The following WWOX variants were observed in gnomAD, a reference collection of about 807,000 sequenced individuals.
The protein encoded by WWOX is WW domain-containing oxidoreductase.
Under a neutral mutation model 46.2 loss-of-function variants are expected in WWOX, and 69 were observed. That is an observed-to-expected ratio of 1.49 (90% CI 1.23 to 1.82). The LOEUF is 1.82. WWOX is among the 40% of genes most tolerant of loss of function. The pLI, the probability that WWOX is intolerant of heterozygous loss-of-function variation, is 0.00. For missense variants in WWOX, 919 were observed against 542.6 expected (o/e 1.69, Z -6.89); for synonymous variants, 359 against 202.6 (o/e 1.77, Z -6.56).
At chr16:79,114,513 C>T (rs1239185953) in intron 8 of WWOX, among the ~76,000 whole-genome samples, 1 of 151,716 alleles carries the variant, frequency 6.6e-6, no homozygotes, top group Non-Finnish European at 1.5e-5. Flanking sequence ...TGCCATAAGC[C>T]AGGGAACAGC....
intron 5 of WWOX, among the ~76,000 whole-genome samples, chr16:78,356,091 A>AAAAAAAAAAAAG (rs1281293467): frequency 1.6e-4 from 12 of 76,714 alleles, no homozygotes; most frequent in South Asian, 6.5e-4. Context: ...AAAAAAAAAA[A>AAAAAAAAAAAAG]AAGAAGAATC....
chr16:78,211,879 C>T (rs1287965527), intron 5 of WWOX, among the ~76,000 whole-genome samples: 1 of 152,156 alleles, frequency 6.6e-6, no homozygotes, highest in Non-Finnish European at 1.5e-5. Context: ...GGTTCAAATC[C>T]AGGCTCTGTC....
rs543329669 is a variant in WWOX at position 79,172,822 on chromosome 16, T to G, written c.1057-38786T>G. On this transcript the variant is annotated intron_variant, in intron 8 of 8. Transcript: ENST00000566780. ...GAGAGGATCACTTGAGCCTAGAAGT[T>G]TGAGACCAGTCAGGGCAATATAGAC... Among the ~76,000 whole-genome samples, 3 of 151,818 alleles carry G rather than the reference T, an allele frequency of 2.0e-5. No homozygotes were observed. In the East Asian group the frequency reaches 5.9e-4, roughly 30 times the overall value.
intron 8 of WWOX, among the ~76,000 whole-genome samples, chr16:79,068,165 G>A (rs557907730): frequency 1.3e-5 from 2 of 152,184 alleles, no homozygotes; most frequent in African/African-American, 4.8e-5. Flanking sequence ...GAGTGATTGA[G>A]GAGAGAGCAT....
chr16:79,098,222 G>T (rs754779699), intron 8 of WWOX, among the ~76,000 whole-genome samples: 10 of 151,758 alleles, frequency 6.6e-5, no homozygotes, highest in Admixed American at 1.3e-4. Context: ...TTTGATTGCA[G>T]ATTGAATCCA....
At chr16:78,540,828 C>G (rs1471183427) in intron 8 of WWOX, among the ~76,000 whole-genome samples, 1 of 152,106 alleles carries the variant, frequency 6.6e-6, no homozygotes, top group Non-Finnish European at 1.5e-5. Context: ...GGACTACAGG[C>G]ATGTGTCACC....
chr16:78,801,992 G>A (rs549955562), intron 8 of WWOX, among the ~76,000 whole-genome samples: 1 of 152,246 alleles, frequency 6.6e-6, no homozygotes, highest in East Asian at 1.9e-4. Flanking sequence ...TAACCGAGAT[G>A]ATGTGTGGAA....
chr16:78,952,218 C>A (rs910105092), intron 8 of WWOX, among the ~76,000 whole-genome samples: 1 of 152,080 alleles, frequency 6.6e-6, no homozygotes, highest in Non-Finnish European at 1.5e-5. Context: ...TTCTCCCTTA[C>A]TTTGCCTCTA....
intron 8 of WWOX, among the ~76,000 whole-genome samples, chr16:78,557,918 A>G (rs2044345879): frequency 6.6e-6 from 1 of 151,984 alleles, no homozygotes; most frequent in Admixed American, 6.6e-5. Context: ...GCTGCTCTCG[A>G]ACTCCTGACC....
chr16:78,688,369 T>A lies in WWOX; in HGVS notation c.1056+255617T>A, dbSNP rs563027279. ...TGATGAGTCACTATATCAGTTACTT[T>A]AAAAAAAAAAAAAAAGATCCTGACA... On this transcript the variant is annotated intron_variant, in intron 8 of 8. Transcript: ENST00000566780. Among the ~76,000 whole-genome samples the A allele has an allele frequency of 5.4e-4, 77 of 142,420 alleles. No individual in the cohort carries two copies. In the East Asian group the frequency reaches 0.014, roughly 25 times the overall value. The allele number at this position is 142,420 out of a possible 152,430, so 93.4% of individuals were successfully genotyped here.
chr16:78,324,965 CAATT>C (rs2080579391), intron 5 of WWOX, among the ~76,000 whole-genome samples: 1 of 152,174 alleles, frequency 6.6e-6, no homozygotes, highest in South Asian at 2.1e-4. Flanking sequence ...CTGAAAGTGT[CAATT>C]AATCTTTGCT....
intron 8 of WWOX, among the ~76,000 whole-genome samples, chr16:78,815,600 T>C (rs2051308801): frequency 6.6e-6 from 1 of 152,182 alleles, no homozygotes; most frequent in African/African-American, 2.4e-5. Flanking sequence ...AACACACATT[T>C]ATGGGGGCAG....
chr16:78,426,855 G>A (rs1597067765), intron 7 of WWOX, among the ~76,000 whole-genome samples: 1 of 152,202 alleles, frequency 6.6e-6, no homozygotes, highest in East Asian at 1.9e-4. Context: ...GTAGAGACGG[G>A]GTTTCACCAT....
At chr16:78,655,217 C>G (rs2047053671) in intron 8 of WWOX, among the ~76,000 whole-genome samples, 1 of 152,132 alleles carries the variant, frequency 6.6e-6, no homozygotes, top group Non-Finnish European at 1.5e-5. Context: ...CCTTCATAGT[C>G]TGCTCTCCGT....
At chr16:79,152,586 G>T (rs537354127) in intron 8 of WWOX, among the ~76,000 whole-genome samples, 1 of 151,778 alleles carries the variant, frequency 6.6e-6, no homozygotes, top group East Asian at 1.9e-4. Context: ...CAGGAGAATC[G>T]CTTGAACCCG....
At chr16:78,968,116 G>A (rs62036007) in intron 8 of WWOX, among the ~76,000 whole-genome samples, 351 of 7,620 alleles carry the variant, frequency 0.046, 4 homozygotes, top group South Asian at 0.078. Context: ...CGTGGTCCGC[G>A]TGGCACAGCG....
In WWOX at chr16:79,211,894, G is replaced by T. The variant is rs1048495280; in HGVS notation, c.*98G>T. The T allele has an allele frequency of 1.9e-6, 3 of 1,566,330 alleles. No homozygotes were observed. The highest frequency in any genetic ancestry group is 2.6e-6 in the Non-Finnish European group (3 of 1,159,372). On this transcript the variant is annotated 3_prime_UTR_variant, in exon 9 of 9. Coordinates refer to ENST00000566780, the MANE Select transcript of WWOX (RefSeq NM_016373.4). The stretch of plus-strand genomic sequence containing the variant: ...CCCTTCCAAATGTCCCTCCAACACA[G>T]ATCCGCAAGAGTAAAGGAAATAAGA...
chr16:78,212,221 G>A (rs969371498), intron 5 of WWOX, among the ~76,000 whole-genome samples: 1 of 152,160 alleles, frequency 6.6e-6, no homozygotes, highest in South Asian at 2.1e-4. Context: ...GTCACAGAAG[G>A]AAAGCTCACT....
At chr16:78,251,934 A>G (rs568317610) in intron 5 of WWOX, among the ~76,000 whole-genome samples, 9 of 152,366 alleles carry the variant, frequency 5.9e-5, no homozygotes, top group South Asian at 2.1e-4. Flanking sequence ...AGAGTTGTCA[A>G]TACATCTTTG....
Sources: gnomAD v4.1 joint callset for allele counts (sites outside exome capture counted in the v4.1 genomes callset) on GRCh38, gnomAD v4.1.1 for gene constraint, MANE v1.5 for transcripts, NCBI Gene and HGNC (gene_info 2026-07-23, HGNC 2026-07-21) for gene names.